LUZP1: variants seen among roughly 807,000 people sequenced by gnomAD.
The protein encoded by LUZP1 is filamin mechanobinding actin cross-linking protein.
Under a neutral mutation model 71.3 loss-of-function variants are expected in LUZP1, and 25 were observed. That is an observed-to-expected ratio of 0.35 (90% CI 0.26 to 0.49). LUZP1 has a LOEUF of 0.49. Ranked by LOEUF, LUZP1 falls within the 20% of genes least tolerant of loss-of-function variation. The probability of loss-of-function intolerance (pLI) is 0.99; values close to 1 mark genes in which losing one functional copy is unlikely to be tolerated. For synonymous variants in LUZP1, 481 were observed against 506.4 expected (o/e 0.95, Z 0.67); for missense variants, 1,142 against 1,300.8 (o/e 0.88, Z 1.88).
intron 2 of LUZP1, among the ~76,000 whole-genome samples, chr1:23,117,477 C>CTCTCTCTCTCTCT (rs34248788): frequency 5.2e-3 from 72 of 13,836 alleles, no homozygotes; most frequent in African/African-American, 9.5e-3. Context: ...CTCTCTCTCT[C>CTCTCTCTCTCTCT]CCCCCCCCCC....
intron 3 of LUZP1, among the ~76,000 whole-genome samples, chr1:23,108,515 ACCT>A (rs1367743260): frequency 6.6e-6 from 1 of 152,110 alleles, no homozygotes; most frequent in Non-Finnish European, 1.5e-5. Context: ...TGGGAGGATC[ACCT>A]GAGCCCAGGA....
At chr1:23,173,357 T>C (rs1233994231) in intron 1 of LUZP1, among the ~76,000 whole-genome samples, 9 of 139,556 alleles carry the variant, frequency 6.4e-5, no homozygotes, top group Middle Eastern at 3.4e-3. Flanking sequence ...TTTCTTTTTT[T>C]TTTTTTTTTT....
intron 1 of LUZP1, among the ~76,000 whole-genome samples, chr1:23,173,350 C>CTTTTTTTTTTTTTTTTTTTTT (rs869169060): frequency 7.5e-5 from 6 of 80,364 alleles, no homozygotes; most frequent in Non-Finnish European, 1.2e-4. Context: ...TTTGTTTTTT[C>CTTTTTTTTTTTTTTTTTTTTT]TTTTTTTTTT....
At chr1:23,163,555 T>TAAA (rs57231452) in intron 2 of LUZP1, among the ~76,000 whole-genome samples, 18,696 of 118,738 alleles carry the variant, frequency 0.16, 1,492 homozygotes, top group East Asian at 0.26. Context: ...TCCCGTCTCT[T>TAAA]AAAAAAAAAA....
intron 2 of LUZP1, among the ~76,000 whole-genome samples, chr1:23,116,242 G>A (rs1001566868): frequency 6.6e-6 from 1 of 152,180 alleles, no homozygotes; most frequent in African/African-American, 2.4e-5. Flanking sequence ...TTAGCCAGGT[G>A]TGGTGGCGTA....
chr1:23,144,283 G>A (rs1176012798), intron 2 of LUZP1, among the ~76,000 whole-genome samples: 1 of 152,140 alleles, frequency 6.6e-6, no homozygotes, highest in Admixed American at 6.6e-5. Flanking sequence ...TTACAGCAAT[G>A]CAGAGATCTT....
chr1:23,107,770 G>A (rs1643995574), intron 3 of LUZP1, among the ~76,000 whole-genome samples: 1 of 152,130 alleles, frequency 6.6e-6, no homozygotes, highest in African/African-American at 2.4e-5. Context: ...GATCGCACCA[G>A]TGCACTCCAG....
At chr1:23,146,210 G>T (rs1185211827) in intron 2 of LUZP1, among the ~76,000 whole-genome samples, 1 of 152,024 alleles carries the variant, frequency 6.6e-6, no homozygotes, top group African/African-American at 2.4e-5. Context: ...TAGAGACGGG[G>T]TTTCACCATG....
chr1:23,129,118 G>A (rs1193623746), intron 2 of LUZP1, among the ~76,000 whole-genome samples: 1 of 152,214 alleles, frequency 6.6e-6, no homozygotes, highest in African/African-American at 2.4e-5. Context: ...AAAGCCAGTG[G>A]ATCTGGGTAG....
chr1:23,166,358 T>C (rs1394603229), intron 2 of LUZP1, among the ~76,000 whole-genome samples: 1 of 152,006 alleles, frequency 6.6e-6, no homozygotes, highest in African/African-American at 2.4e-5. Flanking sequence ...TGCTCATCTA[T>C]AAAACAGGGA....
rs1225155907 is a variant in LUZP1, at chr1:23,139,019, AATATAT to A, written c.-226+29741_-226+29746del. 5.0e-3 allele frequency among the ~76,000 whole-genome samples: 298 copies of A among 59,930 alleles called. 7 individuals are homozygous for A. The highest frequency in any genetic ancestry group is 0.033 in the East Asian group (82 of 2,464). 39.3% of individuals were successfully genotyped at this position (59,930 alleles called of 152,430 possible). On this transcript the variant is annotated intron_variant, in intron 2 of 4. Coordinates refer to ENST00000302291, the Ensembl canonical transcript of LUZP1. ...TCTCAAAAAAAAAAAAAAAAAAAAA[AATATAT>A]ATATATATATATATATATATACACA...
chr1:23,085,313 A>T (rs1643747303), exon 5 of LUZP1: 1 of 152,604 alleles, frequency 6.6e-6, no homozygotes, highest in Non-Finnish European at 1.5e-5. Flanking sequence ...AAATACAAAA[A>T]AATAGACTTT....
chr1:23,159,491 T>A (rs1290629578), intron 2 of LUZP1, among the ~76,000 whole-genome samples: 2 of 152,202 alleles, frequency 1.3e-5, no homozygotes, highest in Non-Finnish European at 2.9e-5. Context: ...CTAGCTTCTG[T>A]GTGTACCAGT....
intron 2 of LUZP1, among the ~76,000 whole-genome samples, chr1:23,114,471 G>T (rs924764393): frequency 3.3e-5 from 5 of 152,202 alleles, no homozygotes; most frequent in African/African-American, 1.2e-4. Flanking sequence ...AGCTTGCTAT[G>T]TATGAACCAA....
intron 2 of LUZP1, among the ~76,000 whole-genome samples, chr1:23,128,413 CTAACAATCATGCTCT>C (rs895041390): frequency 2.6e-5 from 4 of 152,274 alleles, no homozygotes; most frequent in South Asian, 4.1e-4. Flanking sequence ...GCCTCCCCAT[CTAACAATCATGCTCT>C]AAAGTTCAAA....
chr1:23,156,504 T>C (rs1198475763), intron 2 of LUZP1, among the ~76,000 whole-genome samples: 1 of 152,208 alleles, frequency 6.6e-6, no homozygotes, highest in African/African-American at 2.4e-5. Context: ...AACATGTTCC[T>C]TTCTTAGACA....
chr1:23,136,984 CTTCT>C (rs1644259848), intron 2 of LUZP1, among the ~76,000 whole-genome samples: 2 of 152,182 alleles, frequency 1.3e-5, no homozygotes, highest in African/African-American at 2.4e-5. Flanking sequence ...TAATCAAAGG[CTTCT>C]AGAACTGCAT....
chr1:23,128,120 ACT>A (rs1006162126), intron 2 of LUZP1, among the ~76,000 whole-genome samples: 1 of 151,996 alleles, frequency 6.6e-6, no homozygotes, highest in Non-Finnish European at 1.5e-5. Context: ...ACAGAGCGAG[ACT>A]CTGTCCCAAA....
intron 3 of LUZP1, among the ~76,000 whole-genome samples, chr1:23,099,078 C>T (rs1643912247): frequency 6.6e-6 from 1 of 152,180 alleles, no homozygotes; most frequent in African/African-American, 2.4e-5. Context: ...TTTTGGTCCC[C>T]CTTCTCCTTT....
Sources: gnomAD v4.1 joint callset for allele counts (sites outside exome capture counted in the v4.1 genomes callset) on GRCh38, gnomAD v4.1.1 for gene constraint, MANE v1.5 for transcripts, NCBI Gene and HGNC (gene_info 2026-07-23, HGNC 2026-07-21) for gene names.